Variants in PHTF2 observed in about 807,000 individuals in gnomAD.
PHTF2 encodes the protein putative homeodomain transcription factor 2.
Under a neutral mutation model 101.2 loss-of-function variants are expected in PHTF2, and 60 were observed. The observed-to-expected ratio is 0.59, with a 90% CI of 0.48 to 0.73. The LOEUF is 0.73. Among genes scored for constraint, PHTF2 ranks in the 30% least tolerant of loss-of-function variants. PHTF2 has a pLI of 0.00. For synonymous variants in PHTF2, 311 were observed against 307.3 expected (o/e 1.01, Z -0.13); for missense variants, 747 against 908.7 (o/e 0.82, Z 2.29).
intron 1 of PHTF2, among the ~76,000 whole-genome samples, chr7:77,804,745 T>C (rs903165210): frequency 6.6e-6 from 1 of 152,232 alleles, no homozygotes; most frequent in Non-Finnish European, 1.5e-5. Context: ...CTAATATCTA[T>C]CTTTCAATCA....
intron 1 of PHTF2, among the ~76,000 whole-genome samples, chr7:77,832,861 G>A (rs1319090329): frequency 2.0e-5 from 3 of 151,898 alleles, no homozygotes; most frequent in South Asian, 4.1e-4. Context: ...TAATGCTCTC[G>A]AATCATCCCA....
intron 9 of PHTF2, among the ~76,000 whole-genome samples, chr7:77,919,814 T>C (rs1803276838): frequency 6.6e-6 from 1 of 152,160 alleles, no homozygotes; most frequent in Non-Finnish European, 1.5e-5. Context: ...TATCTTTTTA[T>C]GTTGCAAAAG....
At chr7:77,823,139 C>T (rs1185905767) in intron 1 of PHTF2, among the ~76,000 whole-genome samples, 7 of 151,848 alleles carry the variant, frequency 4.6e-5, no homozygotes, top group African/African-American at 9.7e-5. Context: ...CTCCTGACCT[C>T]GTGATCCACC....
At chr7:77,881,437 G>A (rs1799404371) in intron 3 of PHTF2, among the ~76,000 whole-genome samples, 1 of 151,762 alleles carries the variant, frequency 6.6e-6, no homozygotes, top group Non-Finnish European at 1.5e-5. Context: ...TTATGCTGCT[G>A]AGGTCCAGAT....
At chr7:77,933,864 T>C (rs1247668839) in intron 12 of PHTF2, among the ~76,000 whole-genome samples, 1 of 152,204 alleles carries the variant, frequency 6.6e-6, no homozygotes, top group African/African-American at 2.4e-5. Context: ...TGTTTTATGA[T>C]GTCTGTGCAG....
intron 3 of PHTF2, among the ~76,000 whole-genome samples, chr7:77,881,362 G>T (rs2150750730): frequency 6.6e-6 from 1 of 151,574 alleles, no homozygotes; most frequent in East Asian, 1.9e-4. Context: ...TTTGTTCTTG[G>T]TCTCCTTAAT....
chr7:77,906,825 G>A (rs1005364347), intron 7 of PHTF2, among the ~76,000 whole-genome samples: 2 of 151,580 alleles, frequency 1.3e-5, no homozygotes, highest in African/African-American at 4.8e-5. Flanking sequence ...GGAGAATGGC[G>A]TGAACCTGGG....
rs990747300 is a variant in PHTF2 at position 77,916,138 on chromosome 7, C to G, written c.777-4141C>G. 5.3e-5 allele frequency among the ~76,000 whole-genome samples: 8 copies of G among 152,102 alleles called. No individual in the cohort carries two copies. In the South Asian group the frequency reaches 1.5e-3, roughly 28 times the overall value. ...ATATGTTTATTTTAAAATCAAAATG[C>G]TTTTTATCTTGCATTCTGTTTATTT... On this transcript the variant is annotated intron_variant, in intron 9 of 19. Coordinates refer to ENST00000416283, the Ensembl canonical transcript of PHTF2.
chr7:77,869,395 A>T (rs1398509920), intron 3 of PHTF2, among the ~76,000 whole-genome samples: 1 of 152,156 alleles, frequency 6.6e-6, no homozygotes, highest in Admixed American at 6.5e-5. Context: ...GCACCCATTA[A>T]CCAAACTTTC....
At chr7:77,932,619 A>AGTGTGT (rs1390574112) in intron 12 of PHTF2, among the ~76,000 whole-genome samples, 132 of 111,650 alleles carry the variant, frequency 1.2e-3, no homozygotes, top group African/African-American at 4.6e-3. Flanking sequence ...AGAGAGAGAG[A>AGTGTGT]GAGTGTGTGT....
chr7:77,873,233 C>T (rs1798664995), intron 3 of PHTF2, among the ~76,000 whole-genome samples: 2 of 152,046 alleles, frequency 1.3e-5, no homozygotes, highest in Non-Finnish European at 2.9e-5. Flanking sequence ...GGCCTAGAAC[C>T]TTTTTTAACT....
At chr7:77,876,330 T>C (rs1798941569) in intron 3 of PHTF2, among the ~76,000 whole-genome samples, 1 of 152,206 alleles carries the variant, frequency 6.6e-6, no homozygotes, top group South Asian at 2.1e-4. Context: ...TTTAGTCTAT[T>C]AGAAGTCTTG....
chr7:77,870,339 C>T (rs1013845956), intron 3 of PHTF2, among the ~76,000 whole-genome samples: 1 of 149,882 alleles, frequency 6.7e-6, no homozygotes, highest in Non-Finnish European at 1.5e-5. Context: ...TAAGTATTAA[C>T]TCACACTATC....
intron 3 of PHTF2, among the ~76,000 whole-genome samples, chr7:77,855,946 T>C (rs1797145228): frequency 6.6e-6 from 1 of 152,226 alleles, no homozygotes; most frequent in East Asian, 1.9e-4. Context: ...CAAAGTACTT[T>C]GTTTACTCAC....
At chr7:77,940,877 T>C (rs1805586571) in intron 15 of PHTF2, among the ~76,000 whole-genome samples, 1 of 152,206 alleles carries the variant, frequency 6.6e-6, no homozygotes, top group Admixed American at 6.5e-5. Context: ...CCAATGAGTT[T>C]CCTCACAGAA....
At chr7:77,913,518 T>A (rs1311199452) in intron 9 of PHTF2, among the ~76,000 whole-genome samples, 1 of 152,196 alleles carries the variant, frequency 6.6e-6, no homozygotes, top group Non-Finnish European at 1.5e-5. Context: ...TACATCTTGA[T>A]TGTGTGTCGT....
chr7:77,913,387 G>GAA (rs58943092), intron 9 of PHTF2, among the ~76,000 whole-genome samples: 89 of 98,198 alleles, frequency 9.1e-4, no homozygotes, highest in African/African-American at 2.7e-3. Flanking sequence ...GACTCTGTCT[G>GAA]AAAAAAAAAA....
intron 7 of PHTF2, chr7:77,906,159 TG>T (rs1801837576): frequency 6.6e-6 from 1 of 152,236 alleles, no homozygotes; most frequent in East Asian, 1.9e-4. Context: ...AGCTAATTTT[TG>T]TATTTTTAGC....
intron 13 of PHTF2, among the ~76,000 whole-genome samples, chr7:77,939,228 A>G (rs1805422470): frequency 6.6e-6 from 1 of 151,930 alleles, no homozygotes. Context: ...TTTCTGTTTA[A>G]TTTCTTCTTC....
Sources: gnomAD v4.1 joint callset for allele counts (sites outside exome capture counted in the v4.1 genomes callset) on GRCh38, gnomAD v4.1.1 for gene constraint, MANE v1.5 for transcripts, NCBI Gene and HGNC (gene_info 2026-07-23, HGNC 2026-07-21) for gene names.